The following LRP5 variants were observed in gnomAD, a reference collection of about 807,000 sequenced individuals.
The protein encoded by LRP5 is low-density lipoprotein receptor-related protein 5.
Under a neutral mutation model 154.1 loss-of-function variants are expected in LRP5, and 62 were observed. The observed-to-expected ratio is 0.40, with a 90% CI of 0.33 to 0.50. The LOEUF (loss-of-function observed/expected upper bound fraction) is 0.50. LRP5 is among the 20% of genes least tolerant of loss of function. LRP5 has a pLI of 0.55. For synonymous variants in LRP5, 966 were observed against 1,011.5 expected (o/e 0.96, Z 0.85); for missense variants, 1,915 against 2,336.7 (o/e 0.82, Z 3.72).
In LRP5 at chr11:68,423,802, G is replaced by T. The variant is rs1722841388; in HGVS notation, c.3236+105G>T. ...CAGGCTGGGGAGACTTTCCACCCTG[G>T]GGATCCAATGGGTGGCTTTCCAGGG... On this transcript the variant is annotated intron_variant, in intron 14 of 22. Transcript: ENST00000294304. The surrounding 1 kb of genome is among the most constrained non-coding windows in gnomAD (Gnocchi z 4.7). 1 of 1,091,526 alleles carries T rather than the reference G, an allele frequency of 9.2e-7. No homozygotes were observed. Among genetic ancestry groups the T allele is most frequent in the Non-Finnish European group, 1.3e-6 (1 of 758,398 alleles). The allele number at this position is 1,091,526 out of a possible 1,614,324, so 67.6% of individuals were successfully genotyped here. A position where few individuals can be genotyped will look rare whatever the true frequency, so the allele number is the denominator to read the frequency against.
intron 7 of LRP5, among the ~76,000 whole-genome samples, chr11:68,396,869 C>T (rs984400010): frequency 6.6e-6 from 1 of 152,180 alleles, no homozygotes; most frequent in Non-Finnish European, 1.5e-5. Flanking sequence ...TGCTTGGAGC[C>T]GCATCCGAGT....
At chr11:68,344,001 T>C (rs2098610657) in intron 1 of LRP5, among the ~76,000 whole-genome samples, 1 of 151,960 alleles carries the variant, frequency 6.6e-6, no homozygotes, top group Non-Finnish European at 1.5e-5. Context: ...GCAGGTGAAA[T>C]GCAGACCTCT....
chr11:68,310,834 T>G (rs1380325479), upstream of LRP5, among the ~76,000 whole-genome samples: 1 of 151,348 alleles, frequency 6.6e-6, no homozygotes, highest in South Asian at 2.1e-4. Flanking sequence ...CCTGGTGTGT[T>G]TGAGAACCCA....
At chr11:68,404,977 AAAAAAAAAAAAAAAAGTCC>A (rs2098654735) in intron 8 of LRP5, among the ~76,000 whole-genome samples, 1 of 142,568 alleles carries the variant, frequency 7.0e-6, no homozygotes, top group South Asian at 2.2e-4. Flanking sequence ...ACTCCGTCTC[AAAAAAAAAAAAAAAAGTCC>A]AAAAAAAAAA....
chr11:68,334,170 G>A (rs186004887), intron 1 of LRP5, among the ~76,000 whole-genome samples: 50 of 152,328 alleles, frequency 3.3e-4, no homozygotes, highest in Middle Eastern at 3.4e-3. Context: ...GGAGGCGGAC[G>A]TTGCAGTGAG....
chr11:68,404,201 T>C, intron 8 of LRP5: 1 of 465,008 alleles, frequency 2.2e-6, no homozygotes, highest in Admixed American at 2.5e-5. Context: ...TCTGGCACAA[T>C]GATTTGTCTC....
At chr11:68,327,121 C>T (rs2098600168) in intron 1 of LRP5, among the ~76,000 whole-genome samples, 1 of 152,206 alleles carries the variant, frequency 6.6e-6, no homozygotes. Flanking sequence ...CGGTGGGATC[C>T]CACCCATGAG....
chr11:68,331,536 C>T (rs1460616688), intron 1 of LRP5, among the ~76,000 whole-genome samples: 3 of 152,240 alleles, frequency 2.0e-5, no homozygotes, highest in East Asian at 1.9e-4. Context: ...GACCCGGAGG[C>T]GCCTGTCCTG....
chr11:68,444,872 C>T (rs1267677008), intron 21 of LRP5, among the ~76,000 whole-genome samples: 5 of 151,972 alleles, frequency 3.3e-5, no homozygotes, highest in Admixed American at 2.6e-4. Context: ...CCCAGTGCCC[C>T]CAGTCTCATG....
intron 21 of LRP5, among the ~76,000 whole-genome samples, chr11:68,441,429 GT>G (rs1480352481): frequency 6.6e-6 from 1 of 152,252 alleles, no homozygotes; most frequent in African/African-American, 2.4e-5. Flanking sequence ...TGGGAAGGAA[GT>G]AGCAGAAGAG....
intron 1 of LRP5, among the ~76,000 whole-genome samples, chr11:68,344,167 G>C (rs1180424907): frequency 6.6e-6 from 1 of 152,178 alleles, no homozygotes; most frequent in African/African-American, 2.4e-5. Context: ...CTTTGACCCT[G>C]AGTTTTCTTC....
the LRP5 span, among the ~76,000 whole-genome samples, chr11:68,299,869 C>T: frequency 2.7e-5 from 4 of 149,036 alleles, no homozygotes; most frequent in African/African-American, 9.7e-5. Context: ...AGGCGCGAGC[C>T]ATCGCGCTCC....
chr11:68,329,100 G>T (rs1183086230), intron 1 of LRP5, among the ~76,000 whole-genome samples: 4 of 152,230 alleles, frequency 2.6e-5, no homozygotes, highest in African/African-American at 9.6e-5. Flanking sequence ...AAAGCTTGTA[G>T]TTAGAGTCGT....
chr11:68,364,358 A>ATGTGTGTGTGTGTGTG (rs113821152), intron 4 of LRP5, among the ~76,000 whole-genome samples: 75 of 145,524 alleles, frequency 5.2e-4, no homozygotes, highest in Admixed American at 1.8e-3. Flanking sequence ...ATACATATAT[A>ATGTGTGTGTGTGTGTG]TGTGTGTGTG....
chr11:68,371,213 T>G (rs1365966205), intron 5 of LRP5, among the ~76,000 whole-genome samples: 3 of 152,196 alleles, frequency 2.0e-5, no homozygotes, highest in African/African-American at 7.2e-5. Flanking sequence ...TTTCAAGGGT[T>G]TGTCACCAGG....
At chr11:68,352,373 C>T (rs2098619421) in intron 2 of LRP5, among the ~76,000 whole-genome samples, 1 of 152,226 alleles carries the variant, frequency 6.6e-6, no homozygotes, top group Non-Finnish European at 1.5e-5. Flanking sequence ...ATGAGGAAAA[C>T]ACCAAGAACA....
rs1008885660 is a variant in LRP5 at position 68,423,233 on chromosome 11, C to T, written c.3028-256C>T. On this transcript the variant is annotated intron_variant, in intron 13 of 22. Coordinates refer to ENST00000294304, the MANE Select transcript of LRP5 (RefSeq NM_002335.4). This position sits in a 1 kb window ranked among gnomAD's most constrained non-coding sequence, Gnocchi z 4.7. ...GTTGTCCTAATCGCTCTGGCATACT[C>T]AGGCGGGCACGTAGTTAGGAGCTGA... 6.6e-6 allele frequency among the ~76,000 whole-genome samples: 1 copy of T among 152,218 alleles called. No homozygotes were observed. Among genetic ancestry groups the T allele is most frequent in the Non-Finnish European group, 1.5e-5 (1 of 68,034 alleles).
intron 4 of LRP5, 81 bp downstream of exon 4, chr11:68,364,024 C>G (rs1366829796): frequency 4.6e-5 from 2 of 43,406 alleles, no homozygotes; most frequent in Admixed American, 3.1e-4. Context: ...TGGGAGGATG[C>G]GGGGGCGTGG....
intron 5 of LRP5, among the ~76,000 whole-genome samples, chr11:68,384,416 G>GC (rs2098641890): frequency 6.6e-6 from 1 of 152,202 alleles, no homozygotes; most frequent in Admixed American, 6.5e-5. Context: ...GGGCCCCTGT[G>GC]CAGGGGCATG....
Sources: gnomAD v4.1 joint callset for allele counts (sites outside exome capture counted in the v4.1 genomes callset) on GRCh38, gnomAD v4.1.1 for gene constraint, Gnocchi (gnomAD v3.1) non-coding constraint, MANE v1.5 for transcripts, NCBI Gene and HGNC (gene_info 2026-07-23, HGNC 2026-07-21) for gene names.